Variants in SEMA3E observed in about 807,000 individuals in gnomAD.
SEMA3E encodes the protein semaphorin-3E.
A neutral mutation model predicts 93.6 loss-of-function variants in SEMA3E; 49 were observed. The ratio of observed to expected loss-of-function variants is 0.52; its 90% CI spans 0.42 to 0.66. The LOEUF (loss-of-function observed/expected upper bound fraction) is 0.66. SEMA3E is among the 30% of genes least tolerant of loss of function. SEMA3E has a pLI of 0.00. For synonymous variants in SEMA3E, 363 were observed against 330.7 expected (o/e 1.10, Z -1.06); for missense variants, 906 against 964.8 (o/e 0.94, Z 0.81).
chr7:83,614,196 G>A (rs1376948477), intron 1 of SEMA3E, among the ~76,000 whole-genome samples: 1 of 151,994 alleles, frequency 6.6e-6, no homozygotes, highest in Non-Finnish European at 1.5e-5. Context: ...AAGGAATTTT[G>A]GACACAATAT....
At chr7:83,617,004 C>CT (rs1793383798) in intron 1 of SEMA3E, among the ~76,000 whole-genome samples, 5 of 152,188 alleles carry the variant, frequency 3.3e-5, no homozygotes, top group African/African-American at 1.2e-4. Flanking sequence ...GGATTACAGG[C>CT]GTAAGCCACC....
intron 1 of SEMA3E, among the ~76,000 whole-genome samples, chr7:83,516,882 TAAC>T (rs1410216101): frequency 8.6e-5 from 13 of 151,140 alleles, no homozygotes; most frequent in Admixed American, 2.6e-4. Flanking sequence ...ATTTTAGTAA[TAAC>T]AGTAATAATG....
intron 12 of SEMA3E, among the ~76,000 whole-genome samples, chr7:83,395,805 C>T (rs577538005): frequency 6.6e-6 from 1 of 152,158 alleles, no homozygotes; most frequent in Admixed American, 6.6e-5. Flanking sequence ...CATGGATTAT[C>T]GTGCTGTCAG....
chr7:83,407,864 A>G (rs1456131385), intron 6 of SEMA3E, among the ~76,000 whole-genome samples: 1 of 152,164 alleles, frequency 6.6e-6, no homozygotes, highest in African/African-American at 2.4e-5. Flanking sequence ...AATGCTCACC[A>G]TAAAACAATA....
intron 1 of SEMA3E, among the ~76,000 whole-genome samples, chr7:83,538,764 A>G (rs1449811051): frequency 2.0e-5 from 3 of 152,126 alleles, no homozygotes; most frequent in Non-Finnish European, 4.4e-5. Context: ...CCAGAACTCT[A>G]TTTTAGTTGT....
chr7:83,584,547 G>T (rs1792581533), intron 1 of SEMA3E, among the ~76,000 whole-genome samples: 1 of 152,172 alleles, frequency 6.6e-6, no homozygotes, highest in East Asian at 1.9e-4. Flanking sequence ...GGTGGTGTTG[G>T]ATGCTGTCTC....
At chr7:83,593,260 G>GTCTCTCTCTCTGTCTCTCTC (rs1792791051) in intron 1 of SEMA3E, among the ~76,000 whole-genome samples, 1 of 96,338 alleles carries the variant, frequency 1.0e-5, no homozygotes, top group African/African-American at 4.7e-5. Context: ...CTCTCTCTCT[G>GTCTCTCTCTCTGTCTCTCTC]TCTCTCTCTC....
At chr7:83,437,923 G>A (rs772310111) in intron 4 of SEMA3E, among the ~76,000 whole-genome samples, 2 of 152,002 alleles carry the variant, frequency 1.3e-5, no homozygotes, top group Admixed American at 6.6e-5. Context: ...TTCATAATAA[G>A]GATAATAACT....
At chr7:83,474,639 A>G (rs982053858) in intron 2 of SEMA3E, among the ~76,000 whole-genome samples, 2 of 152,218 alleles carry the variant, frequency 1.3e-5, no homozygotes, top group Admixed American at 6.5e-5. Flanking sequence ...CCTAGAAAAG[A>G]TGTTGATGTT....
chr7:83,375,605 A>G (rs2116902829), intron 16 of SEMA3E, among the ~76,000 whole-genome samples: 1 of 152,158 alleles, frequency 6.6e-6, no homozygotes, highest in South Asian at 2.1e-4. Context: ...TTGCAAGTGA[A>G]AGGAATTGGT....
In SEMA3E at chr7:83,479,581, G is replaced by A. The variant is rs560529970; in HGVS notation, c.277-10279C>T. 3.9e-5 allele frequency among the ~76,000 whole-genome samples: 6 copies of A among 152,208 alleles called. No homozygotes were observed. In the South Asian group the frequency reaches 8.3e-4, roughly 21 times the overall value. On this transcript the variant is annotated intron_variant, in intron 2 of 16. Transcript: ENST00000643230. ...CAATGAAGATAGTAAATATTAAGGC[G>A]GTGCTTACTATGTTCCAGGCACTGT...
chr7:83,439,632 C>G (rs1178717393), intron 4 of SEMA3E, among the ~76,000 whole-genome samples: 1 of 152,190 alleles, frequency 6.6e-6, no homozygotes, highest in East Asian at 1.9e-4. Flanking sequence ...ACGCCACAGT[C>G]TAACCTGTTC....
intron 2 of SEMA3E, among the ~76,000 whole-genome samples, chr7:83,484,665 C>G (rs554944314): frequency 6.6e-6 from 1 of 152,136 alleles, no homozygotes; most frequent in African/African-American, 2.4e-5. Flanking sequence ...CCTCACCAAC[C>G]TCTACTGTCT....
At chr7:83,463,765 C>T (rs1396734857) in intron 4 of SEMA3E, among the ~76,000 whole-genome samples, 5 of 152,128 alleles carry the variant, frequency 3.3e-5, no homozygotes, top group Non-Finnish European at 5.9e-5. Flanking sequence ...GAAATCTATC[C>T]TCAAGGAAAT....
chr7:83,587,579 G>A (rs1792657394), intron 1 of SEMA3E, among the ~76,000 whole-genome samples: 1 of 152,042 alleles, frequency 6.6e-6, no homozygotes, highest in Admixed American at 6.6e-5. Context: ...AGGCATGGTG[G>A]CTCGGGCCTG....
At chr7:83,490,066 T>C in intron 2 of SEMA3E, 48 bp downstream of exon 2, 1 of 1,574,610 alleles carries the variant, frequency 6.4e-7, no homozygotes, top group South Asian at 1.1e-5. Flanking sequence ...TTCTTGAAAT[T>C]TCCCCCCTTT....
intron 1 of SEMA3E, among the ~76,000 whole-genome samples, chr7:83,613,676 T>C (rs3801571): frequency 0.11 from 17,032 of 152,112 alleles, 1,058 homozygotes; most frequent in East Asian, 0.19. Context: ...AAGATCAAGA[T>C]AGTAAAATTA....
In SEMA3E at chr7:83,363,898, T is replaced by TTTC; in HGVS notation, c.*3687_*3688insGAA. ...TTTTTTTTTTTTTTTTTTTTTTTTTTTTTTTTTGAGACGGAGTCTCGCTCT... is the reference window on the plus strand; with the variant it reads ...TTTTTTTTTTTTTTTTTTTTTTTTTTTTCTTTTTTTGAGACGGAGTCTCGCTCT... On this transcript the variant is annotated 3_prime_UTR_variant, in exon 17 of 17. Transcript: ENST00000643230. 1 of 44,078 alleles carries TTTC rather than the reference T, an allele frequency of 2.3e-5. No homozygotes were observed. Among genetic ancestry groups the TTTC allele is most frequent in the African/African-American group, 5.3e-5 (1 of 18,746 alleles). The allele number at this position is 44,078 out of a possible 1,614,324, so 2.7% of individuals were successfully genotyped here.
chr7:83,577,423 A>G (rs759346363), intron 1 of SEMA3E, among the ~76,000 whole-genome samples: 3 of 152,198 alleles, frequency 2.0e-5, no homozygotes, highest in Non-Finnish European at 4.4e-5. Context: ...TCAAAATGCT[A>G]CCAGAGGGCA....
Sources: allele counts gnomAD v4.1 joint callset (sites outside exome capture counted in the v4.1 genomes callset), GRCh38; gene constraint gnomAD v4.1.1; transcripts MANE v1.5; gene names NCBI Gene and HGNC (gene_info 2026-07-23, HGNC 2026-07-21).